TMT1A: variants seen among roughly 807,000 people sequenced by gnomAD.
The protein encoded by TMT1A is thiol S-methyltransferase TMT1A.
At chr12:50,930,085 C>A in the TMT1A span, 12 of 1,613,990 alleles carry the variant, frequency 7.4e-6, no homozygotes, top group Admixed American at 2.0e-4. Context: ...GAAGCTGCAG[C>A]ACATCCAGGC....
the TMT1A span, chr12:50,930,287 T>C: frequency 5.8e-6 from 4 of 689,960 alleles, no homozygotes; most frequent in African/African-American, 5.5e-5. Flanking sequence ...TTTTTTTTTT[T>C]TTTGGCGGGA....
At chr12:50,932,442 T>C in the TMT1A span, 1 of 152,240 alleles carries the variant, frequency 6.6e-6, no homozygotes, top group Non-Finnish European at 1.5e-5. Flanking sequence ...TCTGAGATGA[T>C]TTTGTAAAAG....
At chr12:50,928,826 C>T in the TMT1A span, among the ~76,000 whole-genome samples, 15 of 152,148 alleles carry the variant, frequency 9.9e-5, no homozygotes, top group Non-Finnish European at 1.8e-4. Context: ...CAGCCGTCTA[C>T]TCAACAGTCT....
the TMT1A span, chr12:50,925,655 G>A: frequency 9.8e-6 from 12 of 1,219,428 alleles, no homozygotes; most frequent in Non-Finnish European, 1.3e-5. Context: ...AGAAAATACT[G>A]TAGAATTTTT....
At chr12:50,930,314 T>C in the TMT1A span, 4 of 587,496 alleles carry the variant, frequency 6.8e-6, no homozygotes, top group African/African-American at 5.7e-5. Context: ...AGTTTTGCTC[T>C]TGTTGCCCAG....
the TMT1A span, among the ~76,000 whole-genome samples, chr12:50,927,937 G>A: frequency 6.6e-6 from 1 of 151,970 alleles, no homozygotes; most frequent in Non-Finnish European, 1.5e-5. Context: ...GACTCTCCTT[G>A]CCTCAGCCTC....
the TMT1A span, among the ~76,000 whole-genome samples, chr12:50,926,741 G>C: frequency 0.47 from 70,674 of 151,498 alleles, 17,568 homozygotes; most frequent in African/African-American, 0.64. Context: ...AGGGAGAGGA[G>C]ATACATATAT....
chr12:50,929,641 C>T, the TMT1A span, among the ~76,000 whole-genome samples: 1 of 152,162 alleles, frequency 6.6e-6, no homozygotes, highest in African/African-American at 2.4e-5. Context: ...TACCTAATGA[C>T]AAAATGTTAC....
At chr12:50,926,702 A>G in the TMT1A span, among the ~76,000 whole-genome samples, 1 of 152,254 alleles carries the variant, frequency 6.6e-6, no homozygotes, top group Non-Finnish European at 1.5e-5. Context: ...GGTAGAGCGT[A>G]GGCCCACCAC....
At chr12:50,925,974 A>C in the TMT1A span, among the ~76,000 whole-genome samples, 3 of 138,200 alleles carry the variant, frequency 2.2e-5, no homozygotes, top group Non-Finnish European at 1.5e-5. Flanking sequence ...CCAAGATTGC[A>C]CCACAGCACT....
At chr12:50,931,818 A>G in the TMT1A span, 1 of 151,150 alleles carries the variant, frequency 6.6e-6, no homozygotes, top group South Asian at 2.1e-4. Flanking sequence ...TCCCACCTTG[A>G]CCTCCTAAAT....
At chr12:50,929,752 G>A in the TMT1A span, among the ~76,000 whole-genome samples, 59 of 152,320 alleles carry the variant, frequency 3.9e-4, no homozygotes, top group African/African-American at 1.4e-3. Flanking sequence ...TGGTTATTCA[G>A]TCTCAAGGGT....
At chr12:50,925,574 G>A in the TMT1A span, 1 of 1,590,122 alleles carries the variant, frequency 6.3e-7, no homozygotes, top group Non-Finnish European at 8.6e-7. Context: ...GTTAGTAGCA[G>A]CTATTATCAT....
At chr12:50,925,464 C>A in the TMT1A span, 116 of 1,614,174 alleles carry the variant, frequency 7.2e-5, 1 homozygote, top group South Asian at 1.2e-3. Context: ...ATGTGGTGGT[C>A]TGCACCCTGG....
At chr12:50,929,821 A>C in the TMT1A span, 1 of 1,164,812 alleles carries the variant, frequency 8.6e-7, no homozygotes, top group Non-Finnish European at 1.2e-6. Flanking sequence ...ACAGGTTTGC[A>C]AGGCAGTGCC....
the TMT1A span, among the ~76,000 whole-genome samples, chr12:50,925,693 TAAAGAG>T: frequency 6.6e-6 from 1 of 151,996 alleles, no homozygotes; most frequent in Non-Finnish European, 1.5e-5. Context: ...AGAGAAGCTA[TAAAGAG>T]AAAGATTGAT....
chr12:50,930,239 T>C, the TMT1A span: 1 of 1,121,208 alleles, frequency 8.9e-7, no homozygotes, highest in Non-Finnish European at 1.2e-6. Context: ...AGAGAAACCT[T>C]TTTTTTGGGG....
the TMT1A span, among the ~76,000 whole-genome samples, chr12:50,926,911 T>A: frequency 6.6e-6 from 1 of 152,252 alleles, no homozygotes; most frequent in African/African-American, 2.4e-5. Flanking sequence ...ATTACCCTTA[T>A]TATTTTTAGC....
chr12:50,928,947 T>A, the TMT1A span, among the ~76,000 whole-genome samples: 75,510 of 151,634 alleles, frequency 0.5, 19,209 homozygotes, highest in South Asian at 0.65. Flanking sequence ...AGATTTTTTT[T>A]AAAATCAGGG....
Sources: allele counts gnomAD v4.1 joint callset (sites outside exome capture counted in the v4.1 genomes callset), GRCh38; gene constraint gnomAD v4.1.1; transcripts MANE v1.5; gene names NCBI Gene and HGNC (gene_info 2026-07-23, HGNC 2026-07-21).